TMEM132D: variants seen among roughly 807,000 people sequenced by gnomAD.
The protein encoded by TMEM132D is transmembrane protein 132D, also known as mature OL transmembrane protein.
TMEM132D carries 21 observed loss-of-function variants against 62.3 expected under a neutral mutation model. The observed-to-expected ratio is 0.34, with a 90% CI of 0.24 to 0.49. The LOEUF (loss-of-function observed/expected upper bound fraction) is 0.49, where lower values mean the gene tolerates loss of function less well. Ranked by LOEUF, TMEM132D falls within the 20% of genes least tolerant of loss-of-function variation. The probability of loss-of-function intolerance (pLI) is 0.99; values close to 1 mark genes in which losing one functional copy is unlikely to be tolerated. For synonymous variants in TMEM132D, 621 were observed against 575.6 expected (o/e 1.08, Z -1.13); for missense variants, 1,346 against 1,402.8 (o/e 0.96, Z 0.65).
rs1056818799 is a variant in TMEM132D at position 129,075,056 on chromosome 12, C to T, written c.2119G>A (p.Ala707Thr). The T allele has an allele frequency of 2.5e-6, 4 of 1,600,480 alleles. No individual in the cohort carries two copies. Among genetic ancestry groups the T allele is most frequent in the Non-Finnish European group, 3.4e-6 (4 of 1,175,802 alleles). Reference sequence around the variant, plus strand: ...AACTGGACCCAGCAACTGATGGCTGCTTCCTATGGAGAAAAATATGTAAGT... The same window carrying T: ...AACTGGACCCAGCAACTGATGGCTGTTTCCTATGGAGAAAAATATGTAAGT... Reference protein sequence around the residue: ...QELLQRPKQEAAISCWVQFSD... With the variant: ...QELLQRPKQETAISCWVQFSD... Residue 707 changes from alanine to threonine, a missense_variant, in exon 9 of 9, where the codon GCA (alanine) becomes ACA (threonine). Ala to Thr is a moderately conservative substitution (Grantham distance 58). Coordinates refer to ENST00000422113, the MANE Select transcript of TMEM132D (RefSeq NM_133448.3).
Position 129,535,783 on chromosome 12 carries a change from T to C in TMEM132D, c.969-4578A>G, listed in dbSNP as rs546931587. On this transcript the variant is annotated intron_variant, in intron 2 of 8. Coordinates refer to ENST00000422113, the MANE Select transcript of TMEM132D (RefSeq NM_133448.3). ...TTCATTTAAGATTTGTGTGCGTGTG[T>C]GTGTGTGTGTGTGTGTGTGTGTGTG... 5.3e-3 allele frequency among the ~76,000 whole-genome samples: 709 copies of C among 134,860 alleles called. 6 individuals are homozygous for C. The highest frequency in any genetic ancestry group is 0.024 in the African/African-American group (644 of 26,294). 88.5% of individuals were successfully genotyped at this position (134,860 alleles called of 152,430 possible).
chr12:129,410,090 T>G (rs1156692463), intron 3 of TMEM132D, among the ~76,000 whole-genome samples: 1 of 152,206 alleles, frequency 6.6e-6, no homozygotes, highest in African/African-American at 2.4e-5. Context: ...ATGATGGGTG[T>G]GTCCCAAGTG....
At chr12:129,842,702 C>T (rs1246802307) in intron 1 of TMEM132D, among the ~76,000 whole-genome samples, 1 of 152,080 alleles carries the variant, frequency 6.6e-6, no homozygotes, top group Non-Finnish European at 1.5e-5. Context: ...CTCCTGGGCT[C>T]AAGCGATCCT....
chr12:129,338,880 G>C (rs1221935855), intron 3 of TMEM132D, among the ~76,000 whole-genome samples: 1 of 152,142 alleles, frequency 6.6e-6, no homozygotes, highest in Non-Finnish European at 1.5e-5. Flanking sequence ...GGGGCTTCCA[G>C]GGAGCCTTGT....
chr12:129,542,679 C>T (rs4759964), intron 2 of TMEM132D, among the ~76,000 whole-genome samples: 121,390 of 152,022 alleles, frequency 0.8, 49,339 homozygotes, highest in East Asian at 0.99. Flanking sequence ...AGTTATACTA[C>T]ATATATGTAT....
At chr12:129,144,054 G>A (rs754724703) in intron 5 of TMEM132D, among the ~76,000 whole-genome samples, 11 of 151,986 alleles carry the variant, frequency 7.2e-5, no homozygotes, top group African/African-American at 1.9e-4. Flanking sequence ...CTCAAATAGC[G>A]TATCAGTGAC....
At chr12:129,817,658 GGTGTGTGGGGGGTAT>G (rs1872389790) in intron 1 of TMEM132D, among the ~76,000 whole-genome samples, 1 of 127,874 alleles carries the variant, frequency 7.8e-6, no homozygotes, top group Non-Finnish European at 1.7e-5. Flanking sequence ...TGTAATATGG[GGTGTGTGGGGGGTAT>G]GTGTGGGGGG....
intron 1 of TMEM132D, among the ~76,000 whole-genome samples, chr12:129,753,980 G>A (rs1408402910): frequency 6.6e-6 from 1 of 152,088 alleles, no homozygotes; most frequent in African/African-American, 2.4e-5. Flanking sequence ...TCTAGCATAG[G>A]TGTGAAGAAT....
Position 129,188,831 on chromosome 12 carries a change from A to G in TMEM132D, c.1443+20689T>C, listed in dbSNP as rs11060191. 4.2e-3 allele frequency among the ~76,000 whole-genome samples: 635 copies of G among 151,626 alleles called. 11 individuals carry two copies. Among genetic ancestry groups the G allele is most frequent in the Admixed American group, 0.034 (521 of 15,230 alleles). ...AGAGATCTCAGCTTTTATGAGCTTA[A>G]TCAGAAATGAAAGTGTTGTTAGGTA... is the stretch of plus-strand genomic sequence containing the variant. On this transcript the variant is annotated intron_variant, in intron 5 of 8. Transcript: ENST00000422113.
intron 1 of TMEM132D, among the ~76,000 whole-genome samples, chr12:129,874,059 G>T (rs1874336419): frequency 1.3e-5 from 2 of 152,134 alleles, no homozygotes; most frequent in Admixed American, 6.6e-5. Flanking sequence ...AACTTTCTAA[G>T]ATGAATACAT....
chr12:129,449,854 G>A (rs922319074), intron 3 of TMEM132D, among the ~76,000 whole-genome samples: 4 of 152,186 alleles, frequency 2.6e-5, no homozygotes, highest in African/African-American at 9.7e-5. Flanking sequence ...GATGACATAT[G>A]GATATGTTGG....
intron 2 of TMEM132D, among the ~76,000 whole-genome samples, chr12:129,567,808 T>A (rs536615129): frequency 2.1e-4 from 32 of 152,354 alleles, no homozygotes; most frequent in African/African-American, 7.2e-4. Context: ...TGCACATCTA[T>A]AGGTATAACC....
intron 2 of TMEM132D, among the ~76,000 whole-genome samples, chr12:129,671,632 G>C (rs1880502228): frequency 6.6e-6 from 1 of 152,136 alleles, no homozygotes; most frequent in African/African-American, 2.4e-5. Context: ...TTGGGGCAGG[G>C]CTGGGGAAGG....
intron 1 of TMEM132D, chr12:129,852,573 C>T (rs369180041): frequency 2.0e-5 from 3 of 152,148 alleles, no homozygotes; most frequent in East Asian, 3.9e-4. Flanking sequence ...TAAAAAAAAA[C>T]AATGTACAAC....
chr12:129,155,992 G>T (rs373353721), intron 5 of TMEM132D, among the ~76,000 whole-genome samples: 81 of 146,100 alleles, frequency 5.5e-4, no homozygotes, highest in African/African-American at 2.0e-3. Context: ...AAGATAAGTA[G>T]CCCACTCCTG....
chr12:129,864,492 T>C (rs1405959424), intron 1 of TMEM132D, among the ~76,000 whole-genome samples: 1 of 152,210 alleles, frequency 6.6e-6, no homozygotes, highest in African/African-American at 2.4e-5. Context: ...GGAGTGGCTG[T>C]TTATTTTGAC....
chr12:129,167,954 T>C (rs1877612793), intron 5 of TMEM132D, among the ~76,000 whole-genome samples: 2 of 151,968 alleles, frequency 1.3e-5, no homozygotes, highest in South Asian at 4.1e-4. Context: ...GGGAAGCTTT[T>C]AGAGGAAGAA....
intron 1 of TMEM132D, among the ~76,000 whole-genome samples, chr12:129,795,957 T>C (rs1435599678): frequency 6.6e-6 from 1 of 152,192 alleles, no homozygotes; most frequent in Non-Finnish European, 1.5e-5. Context: ...CTTCCTAAAA[T>C]TCATTAAAAT....
intron 1 of TMEM132D, among the ~76,000 whole-genome samples, chr12:129,808,295 G>A (rs1220331411): frequency 1.3e-5 from 2 of 152,110 alleles, no homozygotes; most frequent in Non-Finnish European, 2.9e-5. Flanking sequence ...GAATCTAGAT[G>A]CAGAATAAAA....
Sources: gnomAD v4.1 joint callset for allele counts (sites outside exome capture counted in the v4.1 genomes callset) on GRCh38, gnomAD v4.1.1 for gene constraint, MANE v1.5 for transcripts, NCBI Gene and HGNC (gene_info 2026-07-23, HGNC 2026-07-21) for gene names.